Variants in SH2B2 observed in about 807,000 individuals in gnomAD.
SH2B2 encodes the protein SH2B adaptor protein 2.
SH2B2 carries 37 observed loss-of-function variants against 35.7 expected under a neutral mutation model. The observed-to-expected ratio is 1.04, with a 90% CI of 0.80 to 1.36. SH2B2 has a LOEUF of 1.36. Among genes scored for constraint, SH2B2 ranks in the 40% most tolerant of loss-of-function variants. SH2B2 has a pLI of 0.00. For synonymous variants in SH2B2, 383 were observed against 376.4 expected, an observed-to-expected ratio of 1.02 and a Z score of -0.20; for missense variants, 852 against 817.7, an observed-to-expected ratio of 1.04 and a Z score of -0.51.
chr7:102,298,624 G>A (rs782161707), intron 1 of SH2B2, among the ~76,000 whole-genome samples: 17 of 152,076 alleles, frequency 1.1e-4, no homozygotes, highest in Non-Finnish European at 2.2e-4. Flanking sequence ...TCTGTCCCCA[G>A]GCTGGAGTAC....
intron 6 of SH2B2, among the ~76,000 whole-genome samples, chr7:102,315,744 GAAAAAAA>G (rs61456197): frequency 6.2e-4 from 56 of 90,588 alleles, no homozygotes; most frequent in African/African-American, 2.5e-3. Flanking sequence ...CCTGTGAAAA[GAAAAAAA>G]AAAAAAAAAA....
chr7:102,316,643 T>C (rs1793840167), intron 6 of SH2B2, among the ~76,000 whole-genome samples: 1 of 151,722 alleles, frequency 6.6e-6, no homozygotes, highest in Admixed American at 6.6e-5. Context: ...CCCAGCACTT[T>C]GGGAGGCCAA....
intron 1 of SH2B2, among the ~76,000 whole-genome samples, chr7:102,295,299 G>T (rs562770414): frequency 6.6e-6 from 1 of 152,180 alleles, no homozygotes; most frequent in Non-Finnish European, 1.5e-5. Context: ...GCCCCCTGGG[G>T]GTCCTAATGG....
At chr7:102,300,475 C>T in intron 1 of SH2B2, 47 bp from the exon 2 acceptor site, 1 of 1,482,344 alleles carries the variant, frequency 6.7e-7, no homozygotes. Context: ...CAGGTGGGCG[C>T]ATTGATCACA....
intron 4 of SH2B2, among the ~76,000 whole-genome samples, chr7:102,309,988 G>C (rs782143518): frequency 2.0e-5 from 3 of 152,120 alleles, no homozygotes; most frequent in African/African-American, 7.2e-5. Context: ...CTGGGCAACA[G>C]AGCAAGATCC....
intron 1 of SH2B2, among the ~76,000 whole-genome samples, chr7:102,288,099 CAG>C (rs1792525138): frequency 6.6e-6 from 1 of 152,118 alleles, no homozygotes; most frequent in African/African-American, 2.4e-5. Flanking sequence ...AATTGCGTCC[CAG>C]AGTCAGGTCC....
intron 7 of SH2B2, among the ~76,000 whole-genome samples, chr7:102,319,202 G>A (rs1244096918): frequency 1.3e-5 from 2 of 152,214 alleles, no homozygotes; most frequent in African/African-American, 4.8e-5. Flanking sequence ...AGAAGATTGG[G>A]ATGCGTCCAA....
At chr7:102,293,808 G>A (rs564434437) in intron 1 of SH2B2, among the ~76,000 whole-genome samples, 71 of 152,260 alleles carry the variant, frequency 4.7e-4, no homozygotes, top group African/African-American at 1.6e-3. Context: ...TTTACTGATA[G>A]GGAAGTGGAG....
chr7:102,314,771 G>A (rs1793755955), intron 6 of SH2B2, 89 bp downstream of exon 6: 1 of 398,290 alleles, frequency 2.5e-6, no homozygotes, highest in African/African-American at 2.1e-5. Context: ...CCTAAACCTT[G>A]CTAAGCCTCA....
chr7:102,300,908 G>A lies in SH2B2; in HGVS notation c.358G>A (p.Asp120Asn). 3.4e-6 allele frequency: 5 copies of A among 1,480,696 alleles called. No homozygotes were observed. Among genetic ancestry groups the A allele is most frequent in the African/African-American group, 2.9e-5 (2 of 69,040 alleles). The allele number at this position is 1,480,696 out of a possible 1,614,324, so 91.7% of individuals were successfully genotyped here. The change falls in exon 2 of 9, where the codon GAC (aspartate) becomes AAC (asparagine). Residue 120 changes from aspartate (D) to asparagine (N), a missense_variant. Asp to Asn is a conservative substitution (Grantham distance 23). Around this residue, in one of 3 missense-constraint regions of SH2B2, gnomAD observed 294 missense variants for 286.6 expected, o/e 1.03. Coordinates refer to ENST00000444095, the MANE Select transcript of SH2B2 (RefSeq NM_001359228.2). ...APYGHSRSSE[D>N]VSTHAATKAR... ...CTACGGCCACTCGCGGAGCTCGGAG[G>A]ACGTGTCCACGCACGCGGCCACCAA...
At chr7:102,304,257 C>A (rs1165715036) in intron 2 of SH2B2, among the ~76,000 whole-genome samples, 1 of 152,136 alleles carries the variant, frequency 6.6e-6, no homozygotes, top group Non-Finnish European at 1.5e-5. Flanking sequence ...TTAGATTTCC[C>A]TCTCACACAG....
At chr7:102,298,905 C>T (rs112553839) in intron 1 of SH2B2, among the ~76,000 whole-genome samples, 2,789 of 137,928 alleles carry the variant, frequency 0.02, 104 homozygotes, top group African/African-American at 0.072. Context: ...CTTTTTCTTT[C>T]TTTCTTCTCT....
chr7:102,309,053 C>T, intron 4 of SH2B2, 147 bp downstream of exon 4: 1 of 753,338 alleles, frequency 1.3e-6, no homozygotes, highest in Non-Finnish European at 2.4e-6. Context: ...CAGCCAGGAT[C>T]ACCCTCCTTT....
At chr7:102,298,429 T>C (rs748469843) in intron 1 of SH2B2, among the ~76,000 whole-genome samples, 1 of 147,390 alleles carries the variant, frequency 6.8e-6, no homozygotes, top group African/African-American at 2.7e-5. Flanking sequence ...CCAGATTGGT[T>C]GTTGTTGTTG....
rs573236086 is a variant in SH2B2 at position 102,310,032 on chromosome 7, G to A, written c.923+1126G>A. ...AAAAAATAATAATAAAAATTTGGCC[G>A]GGGCCAGGCACAGTGGTTCATGCCC... On this transcript the variant is annotated intron_variant, in intron 4 of 8. Transcript: ENST00000444095. Among the ~76,000 whole-genome samples, 9 of 152,096 alleles carry A rather than the reference G, an allele frequency of 5.9e-5. No individual in the cohort carries two copies. In the East Asian group the frequency reaches 7.8e-4, roughly 13 times the overall value.
At position 102,301,030 on chromosome 7, in the gene SH2B2, C is replaced by G. The variant is rs1793156052; in HGVS notation, c.480C>G (p.Pro160=). ...GGCACCGGCGCGCCTCGCCCGAGCC[C>G]GACGCGGCAGCTGCCCCGCGCACCG... ...DMWHRRASPE[P]DAAAAPRTAE... The change falls in exon 2 of 9, where the codon CCC becomes CCG. Residue 160 remains proline (P), a synonymous_variant. Coordinates refer to ENST00000444095, the MANE Select transcript of SH2B2 (RefSeq NM_001359228.2). 1 of 1,381,586 alleles carries G rather than the reference C, an allele frequency of 7.2e-7. No individual in the cohort carries two copies. The allele number at this position is 1,381,586 out of a possible 1,614,324, so 85.6% of individuals were successfully genotyped here. A position where few individuals can be genotyped will look rare whatever the true frequency, so the allele number is the denominator to read the frequency against.
chr7:102,312,350 G>A (rs921630759), intron 4 of SH2B2, among the ~76,000 whole-genome samples: 1 of 152,198 alleles, frequency 6.6e-6, no homozygotes, highest in Admixed American at 6.6e-5. Flanking sequence ...ACTCCAGCCT[G>A]GGCAACAGAG....
chr7:102,317,156 C>A, intron 6 of SH2B2, 31 bp from the exon 7 acceptor site: 1 of 1,525,582 alleles, frequency 6.6e-7, no homozygotes, highest in Non-Finnish European at 8.9e-7. Context: ...TCCTTCCCCC[C>A]ATGTTCCTCA....
chr7:102,300,433 CAG>C, intron 1 of SH2B2, 87 bp from the exon 2 acceptor site: 1 of 1,426,960 alleles, frequency 7.0e-7, no homozygotes, highest in Non-Finnish European at 9.2e-7. Context: ...CACACAGCCC[CAG>C]AGAGTCCTAG....
Sources: allele counts gnomAD v4.1 joint callset (sites outside exome capture counted in the v4.1 genomes callset), GRCh38; gene constraint gnomAD v4.1.1; regional missense constraint gnomAD v4.1.1; transcripts MANE v1.5; gene names NCBI Gene and HGNC (gene_info 2026-07-23, HGNC 2026-07-21).